Variants in DCT observed in about 807,000 individuals in gnomAD.
The protein encoded by DCT is dopachrome tautomerase, also known as L-dopachrome tautomerase.
In DCT, 47 loss-of-function variants were observed where a neutral mutation model predicts 53.0. That is an observed-to-expected ratio of 0.89 (90% CI 0.70 to 1.13). The LOEUF (loss-of-function observed/expected upper bound fraction) is 1.13. DCT is among the 50% of genes most tolerant of loss of function. The pLI is 0.00. For synonymous variants in DCT, 244 were observed against 237.0 expected, an observed-to-expected ratio of 1.03 and a Z score of -0.27; for missense variants, 669 against 637.4, an observed-to-expected ratio of 1.05 and a Z score of -0.53.
the DCT span, among the ~76,000 whole-genome samples, chr13:94,504,183 G>T: frequency 6.6e-6 from 1 of 152,156 alleles, no homozygotes; most frequent in Non-Finnish European, 1.5e-5. Flanking sequence ...TTAATCTTCA[G>T]CTAAAATCAT....
the DCT span, among the ~76,000 whole-genome samples, chr13:94,502,243 A>G: frequency 7.1e-6 from 1 of 140,026 alleles, no homozygotes; most frequent in Non-Finnish European, 1.5e-5. Flanking sequence ...CCCAGCCCCC[A>G]CTTCTGAGGC....
At chr13:94,471,448 A>G (rs1884640508) in intron 1 of DCT, among the ~76,000 whole-genome samples, 1 of 152,234 alleles carries the variant, frequency 6.6e-6, no homozygotes, top group Non-Finnish European at 1.5e-5. Context: ...TGAATAGTTT[A>G]AGTTAAACAT....
chr13:94,540,761 A>G, the DCT span, among the ~76,000 whole-genome samples: 8 of 152,240 alleles, frequency 5.3e-5, no homozygotes, highest in African/African-American at 1.9e-4. Context: ...AACAAAAAAA[A>G]TAGAATATCA....
At chr13:94,493,951 G>T in the DCT span, among the ~76,000 whole-genome samples, 1 of 152,172 alleles carries the variant, frequency 6.6e-6, no homozygotes, top group Admixed American at 6.5e-5. Context: ...AGGCTGTATG[G>T]GAACTCTTTC....
At position 94,443,649 on chromosome 13, in the gene DCT, T is replaced by G. The variant is rs374103766; in HGVS notation, c.1180-12A>C. The G allele has an allele frequency of 3.1e-6, 5 of 1,604,240 alleles. No homozygotes were observed. The highest frequency in any genetic ancestry group is 3.4e-6 in the Non-Finnish European group (4 of 1,172,100). ...AAGGAATGAAGAACCTGCAAAACAG[T>G]TGGACACAGCATTTAACATAAATCA... is the stretch of plus-strand genomic sequence containing the variant. On this transcript the variant is annotated splice_polypyrimidine_tract_variant and intron_variant, in intron 6 of 7. Transcript: ENST00000377028.
the DCT span, among the ~76,000 whole-genome samples, chr13:94,500,734 T>G: frequency 3.9e-5 from 6 of 152,216 alleles, no homozygotes; most frequent in East Asian, 1.2e-3. Flanking sequence ...CTTTGTCCAT[T>G]CAACCGTTTA....
chr13:94,518,108 G>GGGAAGAAAGGAAGGAAGGAAGGAA, the DCT span, among the ~76,000 whole-genome samples: 1 of 125,172 alleles, frequency 8.0e-6, no homozygotes, highest in African/African-American at 3.3e-5. Flanking sequence ...GGGAAACGAA[G>GGGAAGAAAGGAAGGAAGGAAGGAA]GGAAGGAAGG....
At chr13:94,538,974 C>A in the DCT span, among the ~76,000 whole-genome samples, 5 of 152,190 alleles carry the variant, frequency 3.3e-5, no homozygotes, top group Non-Finnish European at 5.9e-5. Flanking sequence ...AGCCCACACC[C>A]CTCCAGCTAT....
chr13:94,532,604 G>A, the DCT span, among the ~76,000 whole-genome samples: 3 of 152,230 alleles, frequency 2.0e-5, no homozygotes, highest in Middle Eastern at 3.4e-3. Flanking sequence ...CATGGACACA[G>A]GGCAGGGAAC....
chr13:94,500,367 A>G, the DCT span, among the ~76,000 whole-genome samples: 1 of 152,230 alleles, frequency 6.6e-6, no homozygotes, highest in Admixed American at 6.5e-5. Context: ...TTAGAAAATC[A>G]TCAAATCTCG....
At chr13:94,531,410 C>T in the DCT span, among the ~76,000 whole-genome samples, 1 of 152,134 alleles carries the variant, frequency 6.6e-6, no homozygotes, top group Non-Finnish European at 1.5e-5. Flanking sequence ...GCTACAGTAA[C>T]CAAAACAGCA....
At chr13:94,512,316 ACAC>A in the DCT span, among the ~76,000 whole-genome samples, 1 of 152,198 alleles carries the variant, frequency 6.6e-6, no homozygotes, top group Non-Finnish European at 1.5e-5. Context: ...ACTGTGCTAA[ACAC>A]CACAAGACAC....
chr13:94,452,358 T>G (rs1456092352), intron 6 of DCT, among the ~76,000 whole-genome samples: 4 of 152,138 alleles, frequency 2.6e-5, no homozygotes, highest in Admixed American at 1.3e-4. Flanking sequence ...AGAAGAGAAA[T>G]GCAAATTAAA....
chr13:94,544,758 T>C, the DCT span, among the ~76,000 whole-genome samples: 2 of 152,184 alleles, frequency 1.3e-5, 1 homozygote, highest in South Asian at 4.1e-4. Flanking sequence ...ATCTGAGATA[T>C]GACAAATAGT....
chr13:94,481,765 T>A (rs1386379226), upstream of DCT, among the ~76,000 whole-genome samples: 1 of 152,190 alleles, frequency 6.6e-6, no homozygotes, highest in African/African-American at 2.4e-5. Context: ...GGTTTAGATA[T>A]TTCTCACCCA....
chr13:94,511,390 C>T, the DCT span, among the ~76,000 whole-genome samples: 208 of 149,362 alleles, frequency 1.4e-3, no homozygotes, highest in African/African-American at 5.0e-3. Context: ...GATGGAGTCT[C>T]ACTCTGTCAC....
the DCT span, among the ~76,000 whole-genome samples, chr13:94,541,642 C>A: frequency 0.11 from 17,324 of 152,102 alleles, 2,250 homozygotes; most frequent in African/African-American, 0.32. Context: ...CTTCTGCACC[C>A]ACCTAATATA....
chr13:94,441,203 T>C (rs1310705687), intron 7 of DCT, among the ~76,000 whole-genome samples: 1 of 152,198 alleles, frequency 6.6e-6, no homozygotes, highest in Non-Finnish European at 1.5e-5. Context: ...CTCCTCCTGA[T>C]TCAACCCAGC....
At chr13:94,514,070 G>A in the DCT span, among the ~76,000 whole-genome samples, 4 of 151,944 alleles carry the variant, frequency 2.6e-5, no homozygotes, top group Admixed American at 1.3e-4. Flanking sequence ...TGGCGACGGG[G>A]CAACCAGAAC....
Sources: gnomAD v4.1 joint callset for allele counts (sites outside exome capture counted in the v4.1 genomes callset) on GRCh38, gnomAD v4.1.1 for gene constraint, MANE v1.5 for transcripts, NCBI Gene and HGNC (gene_info 2026-07-23, HGNC 2026-07-21) for gene names.